Variants in PBRM1 observed in about 807,000 individuals in gnomAD.
The protein encoded by PBRM1 is protein polybromo-1.
A neutral mutation model predicts 194.5 loss-of-function variants in PBRM1; 27 were observed. The observed-to-expected ratio is 0.14, with a 90% CI of 0.10 to 0.19. The LOEUF is 0.19. Among genes scored for constraint, PBRM1 ranks in the 10% least tolerant of loss-of-function variants. The pLI is 1.00. For synonymous variants in PBRM1, 655 were observed against 693.2 expected (o/e 0.94, Z 0.87); for missense variants, 1,466 against 2,077.2 (o/e 0.71, Z 5.72).
At chr3:52,685,608 A>T (rs2097300789) in intron 1 of PBRM1, 141 bp downstream of exon 1, 1 of 147,538 alleles carries the variant, frequency 6.8e-6, no homozygotes, top group Non-Finnish European at 1.5e-5. Context: ...GCCCCGCCCA[A>T]CCCCGCGCGC....
intron 29 of PBRM1, among the ~76,000 whole-genome samples, chr3:52,549,853 C>T (rs2080442556): frequency 6.6e-6 from 1 of 151,456 alleles, no homozygotes; most frequent in Non-Finnish European, 1.5e-5. Flanking sequence ...TGCAGTAAGT[C>T]GAGATTGTAC....
At chr3:52,679,856 A>G (rs926677960), upstream of PBRM1, 23 of 543,416 alleles carry the variant, frequency 4.2e-5, no homozygotes, top group Non-Finnish European at 5.7e-5. Flanking sequence ...TTAACTAGCT[A>G]TAAGTTTTTT....
intron 27 of PBRM1, among the ~76,000 whole-genome samples, chr3:52,553,196 C>T (rs1256149698): frequency 6.6e-6 from 1 of 152,170 alleles, no homozygotes; most frequent in Non-Finnish European, 1.5e-5. Flanking sequence ...AGGTAATGGA[C>T]CAAATGCTTT....
chr3:52,592,954 C>T (rs1214275175), intron 17 of PBRM1, among the ~76,000 whole-genome samples: 4 of 152,174 alleles, frequency 2.6e-5, no homozygotes, highest in African/African-American at 9.7e-5. Flanking sequence ...TAGAGGTGTT[C>T]ATAGTAGTAT....
At chr3:52,674,496 A>AAAAAAAAG (rs1553891667) in intron 2 of PBRM1, among the ~76,000 whole-genome samples, 1 of 138,170 alleles carries the variant, frequency 7.2e-6, no homozygotes, top group Non-Finnish European at 1.5e-5. Context: ...AAAAAAAAAA[A>AAAAAAAAG]AGAGAGAGAG....
chr3:52,617,182 T>C, intron 14 of PBRM1, 80 bp downstream of exon 16: 1 of 1,097,184 alleles, frequency 9.1e-7, no homozygotes, highest in Non-Finnish European at 1.3e-6. Flanking sequence ...CCTCTAGAGC[T>C]GGTCTCTCAA....
chr3:52,579,168 T>C (rs373854321), exon 21 of PBRM1: 88 of 1,614,036 alleles, frequency 5.5e-5, no homozygotes, highest in African/African-American at 4.7e-4. Flanking sequence ...TGGTTCACCA[T>C]TGGACATTTC....
intron 2 of PBRM1, among the ~76,000 whole-genome samples, chr3:52,676,964 T>A (rs1287580748): frequency 6.6e-6 from 1 of 152,214 alleles, no homozygotes; most frequent in Non-Finnish European, 1.5e-5. Context: ...TTAGGGTATC[T>A]GGCAGAAGAA....
At chr3:52,665,664 G>A (rs1178056585) in intron 3 of PBRM1, among the ~76,000 whole-genome samples, 1 of 152,130 alleles carries the variant, frequency 6.6e-6, no homozygotes, top group Non-Finnish European at 1.5e-5. Context: ...GCATGCAAGA[G>A]ATCTAGGCTG....
chr3:52,615,290 A>G lies in PBRM1; in HGVS notation c.1924+61T>C. The stretch of plus-strand genomic sequence containing the variant: ...ATAATTTAATTAAATATTATTTCAG[A>G]AAAATCAGCAATCTCTTCTTGATAG... On this transcript the variant is annotated intron_variant, in intron 15 of 29. Coordinates refer to ENST00000296302, the Ensembl canonical transcript of PBRM1. The G allele has an allele frequency of 3.4e-6, 3 of 870,742 alleles. No homozygotes were observed. The South Asian group carries it at 4.4e-5, about 13-fold the overall frequency. 53.9% of individuals were successfully genotyped at this position (870,742 alleles called of 1,614,324 possible).
At chr3:52,652,756 G>A (rs910541859) in intron 5 of PBRM1, among the ~76,000 whole-genome samples, 5 of 151,704 alleles carry the variant, frequency 3.3e-5, no homozygotes, top group African/African-American at 7.3e-5. Flanking sequence ...CCAGCACTTC[G>A]GGATGCTGAG....
intron 2 of PBRM1, among the ~76,000 whole-genome samples, chr3:52,674,989 G>T (rs1474401373): frequency 6.6e-6 from 1 of 151,938 alleles, no homozygotes; most frequent in Non-Finnish European, 1.5e-5. Context: ...AAGGAGGAGG[G>T]AGGGAGGGAA....
intron 27 of PBRM1, among the ~76,000 whole-genome samples, chr3:52,554,030 G>A (rs1315755463): frequency 1.3e-5 from 2 of 151,912 alleles, no homozygotes; most frequent in Non-Finnish European, 2.9e-5. Flanking sequence ...GAACTCCTGG[G>A]CTCAAGTGAT....
At chr3:52,598,274 A>G (rs765298752) in intron 17 of PBRM1, among the ~76,000 whole-genome samples, 2 of 152,202 alleles carry the variant, frequency 1.3e-5, no homozygotes, top group Non-Finnish European at 2.9e-5. Context: ...TGCAACCATA[A>G]CCACAAACTA....
At chr3:52,558,903 CGA>C (rs2153461482) in intron 25 of PBRM1, among the ~76,000 whole-genome samples, 1 of 152,202 alleles carries the variant, frequency 6.6e-6, no homozygotes, top group African/African-American at 2.4e-5. Flanking sequence ...GGACTCATCA[CGA>C]GTGTCATGGA....
At chr3:52,610,158 A>C (rs1403287230) in intron 15 of PBRM1, among the ~76,000 whole-genome samples, 1 of 152,148 alleles carries the variant, frequency 6.6e-6, no homozygotes, top group Non-Finnish European at 1.5e-5. Context: ...TTGATGGGAG[A>C]CTACTGTAAG....
intron 10 of PBRM1, among the ~76,000 whole-genome samples, chr3:52,640,416 A>C (rs552886431): frequency 1.3e-5 from 2 of 151,948 alleles, no homozygotes; most frequent in East Asian, 3.9e-4. Flanking sequence ...GAATACAGGC[A>C]TGCACCAACA....
rs563000106 is a variant in PBRM1, at chr3:52,588,191, G to C, written c.2966-681C>G. On this transcript the variant is annotated intron_variant, in intron 18 of 29. Transcript: ENST00000296302. ...TACTGAAGGACATATTTAGCTCTCT[G>C]GTGAAGGAATACAAAAGTATTTCAT... Among the ~76,000 whole-genome samples, 16 of 152,250 alleles carry C rather than the reference G, an allele frequency of 1.1e-4. No individual in the cohort carries two copies. In the South Asian group the frequency reaches 3.1e-3, roughly 30 times the overall value.
chr3:52,636,713 C>T (rs1322842859), intron 10 of PBRM1, among the ~76,000 whole-genome samples: 2 of 118,674 alleles, frequency 1.7e-5, no homozygotes, highest in Non-Finnish European at 3.2e-5. Context: ...GCAGGGATTA[C>T]ACCACTGTAC....
Sources: allele counts gnomAD v4.1 joint callset (sites outside exome capture counted in the v4.1 genomes callset), GRCh38; gene constraint gnomAD v4.1.1; transcripts MANE v1.5; gene names NCBI Gene and HGNC (gene_info 2026-07-23, HGNC 2026-07-21).